The following COL14A1 variants were observed in gnomAD, a reference collection of about 807,000 sequenced individuals.
COL14A1 encodes collagen alpha-1(XIV) chain.
Under a neutral mutation model 230.3 loss-of-function variants are expected in COL14A1, and 136 were observed. That is an observed-to-expected ratio of 0.59 (90% confidence interval 0.51 to 0.68). The LOEUF is 0.68. Among genes scored for constraint, COL14A1 ranks in the 30% least tolerant of loss-of-function variants. The pLI is 0.00. For missense variants in COL14A1, 1,976 were observed against 2,215.8 expected, an observed-to-expected ratio of 0.89 and a Z score of 2.17; for synonymous variants, 792 against 784.1, an observed-to-expected ratio of 1.01 and a Z score of -0.17.
intron 45 of COL14A1, among the ~76,000 whole-genome samples, chr8:120,366,254 C>T (rs1298319037): frequency 6.6e-6 from 1 of 152,180 alleles, no homozygotes; most frequent in Non-Finnish European, 1.5e-5. Flanking sequence ...CTTTCCATGC[C>T]TGCTACCTGT....
intron 40 of COL14A1, among the ~76,000 whole-genome samples, chr8:120,330,010 A>G (rs1376994421): frequency 6.6e-6 from 1 of 152,076 alleles, no homozygotes; most frequent in Non-Finnish European, 1.5e-5. Flanking sequence ...GGCCTTTAAG[A>G]TTGCTCCAGA....
intron 5 of COL14A1, among the ~76,000 whole-genome samples, chr8:120,179,068 T>C (rs921936049): frequency 4.6e-5 from 7 of 152,198 alleles, no homozygotes; most frequent in African/African-American, 1.4e-4. Context: ...GTGGAGAAGC[T>C]CTTTAGTTTA....
At chr8:120,318,514 T>A (rs1821318400) in intron 40 of COL14A1, among the ~76,000 whole-genome samples, 1 of 152,162 alleles carries the variant, frequency 6.6e-6, no homozygotes, top group East Asian at 1.9e-4. Context: ...CACAGTTAGA[T>A]ATTAATAATT....
chr8:120,156,623 G>A (rs532844449), intron 2 of COL14A1, among the ~76,000 whole-genome samples: 15 of 152,256 alleles, frequency 9.9e-5, no homozygotes, highest in African/African-American at 2.2e-4. Flanking sequence ...TGTATGTTTC[G>A]AAGATTAAGT....
intron 5 of COL14A1, among the ~76,000 whole-genome samples, chr8:120,180,543 G>A (rs747497704): frequency 2.6e-5 from 4 of 152,086 alleles, no homozygotes; most frequent in South Asian, 2.1e-4. Flanking sequence ...TCCAGTATCC[G>A]TTGCTCTCTC....
Position 120,310,102 on chromosome 8 carries a change from C to A in COL14A1, c.4455+40C>A, listed in dbSNP as rs1820987199. ...TTCTCTCTCTCTCTGTCTCATCTCTCTCTCTCTCTCATAAATAGCCATCAT... is the reference window on the plus strand; with the variant it reads ...TTCTCTCTCTCTCTGTCTCATCTCTATCTCTCTCTCATAAATAGCCATCAT... On this transcript the variant is annotated intron_variant, in intron 37 of 47. Transcript: ENST00000297848. The A allele has an allele frequency of 1.9e-6, 3 of 1,597,360 alleles. No individual in the cohort carries two copies. In the East Asian group the frequency reaches 6.7e-5, roughly 36 times the overall value.
chr8:120,224,895 T>C (rs1262131739), intron 14 of COL14A1, among the ~76,000 whole-genome samples, 193 bp from the exon 15 acceptor site: 1 of 152,258 alleles, frequency 6.6e-6, no homozygotes, highest in East Asian at 1.9e-4. Context: ...AAAGTTGTCC[T>C]GAGAATTCAC....
intron 19 of COL14A1, among the ~76,000 whole-genome samples, chr8:120,236,266 T>G (rs201965068): frequency 6.6e-6 from 1 of 152,130 alleles, no homozygotes; most frequent in African/African-American, 2.4e-5. Flanking sequence ...CTTTGTAGGT[T>G]TCTAAGAATT....
Position 120,297,414 on chromosome 8 carries a change from T to C in COL14A1, c.4237-97T>C, listed in dbSNP as rs190559196. 2.3e-3 allele frequency: 1,255 copies of C among 534,624 alleles called. 11 individuals are homozygous for C. Among genetic ancestry groups the C allele is most frequent in the African/African-American group, 0.022 (1,119 of 50,300 alleles). The allele number at this position is 534,624 out of a possible 1,614,324, so 33.1% of individuals were successfully genotyped here. On this transcript the variant is annotated intron_variant, in intron 34 of 47. Transcript: ENST00000297848. ...TTTACTTACTGTAATGTATTATTAA[T>C]GTATTGGTATTCTGTTATATAATAC...
At chr8:120,162,193 T>G (rs1815700510) in intron 3 of COL14A1, among the ~76,000 whole-genome samples, 1 of 152,224 alleles carries the variant, frequency 6.6e-6, no homozygotes, top group Admixed American at 6.5e-5. Flanking sequence ...TATAATTAGG[T>G]GCAATACACA....
At chr8:120,171,672 T>C (rs1462622569) in intron 5 of COL14A1, among the ~76,000 whole-genome samples, 4 of 152,216 alleles carry the variant, frequency 2.6e-5, no homozygotes, top group Non-Finnish European at 5.9e-5. Flanking sequence ...GGGGTTCTGC[T>C]GCTTCACTGT....
chr8:120,290,031 T>C (rs1820326754), intron 34 of COL14A1, among the ~76,000 whole-genome samples: 1 of 152,210 alleles, frequency 6.6e-6, no homozygotes, highest in Non-Finnish European at 1.5e-5. Flanking sequence ...ATTAGGCTAG[T>C]TTATTTTCTA....
intron 45 of COL14A1, among the ~76,000 whole-genome samples, chr8:120,353,936 G>A (rs1469685399): frequency 2.7e-5 from 4 of 147,086 alleles, no homozygotes; most frequent in African/African-American, 7.6e-5. Flanking sequence ...AAAGACACAT[G>A]CACATGTATG....
chr8:120,307,235 G>T (rs772537205), intron 36 of COL14A1, among the ~76,000 whole-genome samples: 1 of 152,078 alleles, frequency 6.6e-6, no homozygotes, highest in Non-Finnish European at 1.5e-5. Context: ...AAGGGAAAAG[G>T]GGGTCAGAAA....
At chr8:120,286,207 C>T (rs1820198408) in intron 33 of COL14A1, among the ~76,000 whole-genome samples, 1 of 151,368 alleles carries the variant, frequency 6.6e-6, no homozygotes, top group African/African-American at 2.4e-5. Context: ...GGGGCACTTT[C>T]CTCTTTGAGG....
intron 42 of COL14A1, among the ~76,000 whole-genome samples, chr8:120,334,163 T>C (rs1049271885): frequency 6.6e-6 from 1 of 152,220 alleles, no homozygotes; most frequent in African/African-American, 2.4e-5. Context: ...CTTGTTCCTC[T>C]TATTCTTGAA....
In COL14A1 at chr8:120,247,529, G is replaced by A. The variant is rs1818802200; in HGVS notation, c.2480-84G>A. 1.1e-5 allele frequency: 14 copies of A among 1,252,844 alleles called. No homozygotes were observed. The East Asian group carries it at 1.3e-4, about 11-fold the overall frequency. The allele number at this position is 1,252,844 out of a possible 1,614,324, so 77.6% of individuals were successfully genotyped here. The stretch of plus-strand genomic sequence containing the variant: ...AATATTTTTAATTTTGTGGGAAGAT[G>A]TCTTATATTTTGATGGCATCAGTGT... On this transcript the variant is annotated intron_variant, in intron 20 of 47. Transcript: ENST00000297848.
intron 14 of COL14A1, among the ~76,000 whole-genome samples, chr8:120,223,654 G>T (rs1186425200): frequency 6.6e-6 from 1 of 152,056 alleles, no homozygotes; most frequent in African/African-American, 2.4e-5. Context: ...TGGCTGACAA[G>T]AGCAAGAACC....
chr8:120,234,868 G>A (rs1053393475), intron 19 of COL14A1, among the ~76,000 whole-genome samples: 7 of 152,066 alleles, frequency 4.6e-5, no homozygotes, highest in African/African-American at 9.7e-5. Flanking sequence ...CTATTGCTTC[G>A]AATAGTTTTA....
Sources: allele counts gnomAD v4.1 joint callset (sites outside exome capture counted in the v4.1 genomes callset), GRCh38; gene constraint gnomAD v4.1.1; transcripts MANE v1.5; gene names NCBI Gene and HGNC (gene_info 2026-07-23, HGNC 2026-07-21).